Variants in CORIN observed in about 807,000 individuals in gnomAD.
The protein encoded by CORIN is atrial natriuretic peptide-converting enzyme.
Under a neutral mutation model 125.3 loss-of-function variants are expected in CORIN, and 117 were observed. That is an observed-to-expected ratio of 0.93 (90% CI 0.80 to 1.09). CORIN has a LOEUF of 1.09. CORIN is among the 50% of genes least tolerant of loss of function. The pLI is 0.00. For missense variants in CORIN, 1,253 were observed against 1,306.7 expected, an observed-to-expected ratio of 0.96 and a Z score of 0.63; for synonymous variants, 450 against 466.4, an observed-to-expected ratio of 0.96 and a Z score of 0.45.
At chr4:47,716,403 T>C (rs756105489) in intron 5 of CORIN, among the ~76,000 whole-genome samples, 4 of 152,238 alleles carry the variant, frequency 2.6e-5, no homozygotes, top group Admixed American at 1.3e-4. Context: ...GTGATAACTA[T>C]GAAAGTTTTG....
intron 19 of CORIN, among the ~76,000 whole-genome samples, chr4:47,607,590 G>GA (rs1721702655): frequency 1.4e-5 from 2 of 147,738 alleles, no homozygotes; most frequent in African/African-American, 4.8e-5. Flanking sequence ...AACAGAACAA[G>GA]AAAAAACCCA....
chr4:47,617,210 G>C (rs1169036989), intron 19 of CORIN, among the ~76,000 whole-genome samples: 3 of 152,200 alleles, frequency 2.0e-5, no homozygotes, highest in Non-Finnish European at 4.4e-5. Context: ...TATTGAAAGT[G>C]TCTGATTGTG....
intron 5 of CORIN, among the ~76,000 whole-genome samples, chr4:47,720,298 C>CAGTGCAA (rs1727287806): frequency 6.6e-6 from 1 of 152,174 alleles, no homozygotes; most frequent in Non-Finnish European, 1.5e-5. Flanking sequence ...GACTTATTTT[C>CAGTGCAA]AGTGCAAAGT....
chr4:47,673,494 G>A (rs967629745), intron 10 of CORIN, among the ~76,000 whole-genome samples: 1 of 152,026 alleles, frequency 6.6e-6, no homozygotes, highest in Non-Finnish European at 1.5e-5. Flanking sequence ...TGAAAGAAGC[G>A]AGTATAACAT....
At chr4:47,710,539 G>A (rs1726789833) in intron 5 of CORIN, among the ~76,000 whole-genome samples, 1 of 151,816 alleles carries the variant, frequency 6.6e-6, no homozygotes, top group Non-Finnish European at 1.5e-5. Context: ...CCACAGAGAC[G>A]GACTTTGGGG....
In CORIN at chr4:47,646,329, GC is replaced by G. The variant is rs373084508; in HGVS notation, c.1844-1136del. Among the ~76,000 whole-genome samples the G allele has an allele frequency of 3.3e-4, 50 of 152,202 alleles. No individual in the cohort carries two copies. The South Asian group carries it at 9.1e-3, about 28-fold the overall frequency. ...TATGCCAAACAAAACTAGTTTAAGAGCCAGGTGCAAAAGCTATTACTTTATG... is the reference window on the plus strand; with the variant it reads ...TATGCCAAACAAAACTAGTTTAAGAGCAGGTGCAAAAGCTATTACTTTATG... On this transcript the variant is annotated intron_variant, in intron 13 of 21. Coordinates refer to ENST00000273857, the MANE Select transcript of CORIN (RefSeq NM_006587.4).
intron 16 of CORIN, among the ~76,000 whole-genome samples, chr4:47,633,114 A>G (rs1481495158): frequency 3.9e-5 from 6 of 152,148 alleles, no homozygotes; most frequent in Admixed American, 2.0e-4. Context: ...GTGTTTGTCT[A>G]TCTCAGAGAT....
intron 1 of CORIN, among the ~76,000 whole-genome samples, chr4:47,821,381 TATATA>T (rs1270199466): frequency 6.6e-6 from 1 of 150,794 alleles, no homozygotes; most frequent in Non-Finnish European, 1.5e-5. Flanking sequence ...TACTTATATA[TATATA>T]ATATTAGAAT....
At chr4:47,682,462 A>AAAAAG (rs1725336183) in intron 7 of CORIN, 1 of 150,904 alleles carries the variant, frequency 6.6e-6, no homozygotes, top group Non-Finnish European at 1.5e-5. Flanking sequence ...AAAAAAAAAA[A>AAAAAG]AGAGAGAGAG....
chr4:47,644,953 A>G (rs956689012), intron 14 of CORIN, 128 bp downstream of exon 14: 1 of 554,266 alleles, frequency 1.8e-6, no homozygotes, highest in Non-Finnish European at 3.2e-6. Flanking sequence ...GTGGAGTTTG[A>G]TCAAAAGATG....
chr4:47,659,508 C>T (rs1193582174), intron 12 of CORIN, among the ~76,000 whole-genome samples: 1 of 152,142 alleles, frequency 6.6e-6, no homozygotes, highest in African/African-American at 2.4e-5. Context: ...AAGAAGCTTA[C>T]AGTCACAGTG....
At position 47,741,734 on chromosome 4, in the gene CORIN, G is replaced by T. The variant is rs536859341; in HGVS notation, c.799+2668C>A. Among the ~76,000 whole-genome samples the T allele has an allele frequency of 7.2e-5, 11 of 152,088 alleles. 1 individual carries two copies. In the South Asian group the frequency reaches 2.1e-3, roughly 29 times the overall value. On this transcript the variant is annotated intron_variant, in intron 5 of 21. Transcript: ENST00000273857. Reference sequence around the variant, plus strand: ...GTATCAATTGACAATAAAAATGAATGAAGTACTAATAATACATGCTACAGC... The same window carrying T: ...GTATCAATTGACAATAAAAATGAATTAAGTACTAATAATACATGCTACAGC...
chr4:47,785,313 C>A (rs1730737761), intron 3 of CORIN, among the ~76,000 whole-genome samples: 1 of 152,222 alleles, frequency 6.6e-6, no homozygotes, highest in Admixed American at 6.5e-5. Flanking sequence ...ACCGAGTATT[C>A]TGTATTCCGG....
intron 1 of CORIN, among the ~76,000 whole-genome samples, chr4:47,835,791 C>T (rs934931392): frequency 1.3e-5 from 2 of 152,184 alleles, no homozygotes; most frequent in Admixed American, 1.3e-4. Flanking sequence ...TATGCTGTTG[C>T]TATTGTGATT....
Position 47,632,757 on chromosome 4 carries a change from A to ATAGATAGATAGATAGATAGAT in CORIN, c.2199-6237_2199-6236insATCTATCTATCTATCTATCTA, listed in dbSNP as rs1553905923. ...TAGATAGATAGATAGATAGATAGAT[A>ATAGATAGATAGATAGATAGAT]GATAGATAGAGATAGATAGTTAGAT... On this transcript the variant is annotated intron_variant, in intron 16 of 21. Transcript: ENST00000273857. Among the ~76,000 whole-genome samples, 3 of 136,816 alleles carry ATAGATAGATAGATAGATAGAT rather than the reference A, an allele frequency of 2.2e-5. 1 individual carries two copies. In the East Asian group the frequency reaches 6.0e-4, roughly 27 times the overall value. The allele number at this position is 136,816 out of a possible 152,430, so 89.8% of individuals were successfully genotyped here.
intron 6 of CORIN, among the ~76,000 whole-genome samples, chr4:47,684,789 C>A (rs186419661): frequency 2.2e-4 from 34 of 151,688 alleles, no homozygotes; most frequent in African/African-American, 7.5e-4. Context: ...AATAATCAGA[C>A]GAAAAAGAAT....
Position 47,664,902 on chromosome 4 carries a change from T to C in CORIN, c.1589+130A>G, listed in dbSNP as rs146666272. On this transcript the variant is annotated intron_variant, in intron 11 of 21. Coordinates refer to ENST00000273857, the MANE Select transcript of CORIN (RefSeq NM_006587.4). ...AACTTCTACTTCTTTGTCTCACTTG[T>C]TAAATATAAAGTATTTGATAAATGC... 6.1e-4 allele frequency: 347 copies of C among 568,978 alleles called. 2 individuals carry two copies. Among genetic ancestry groups the C allele is most frequent in the African/African-American group, 5.4e-3 (286 of 53,028 alleles). The allele number at this position is 568,978 out of a possible 1,614,324, so 35.2% of individuals were successfully genotyped here.
At position 47,726,490 on chromosome 4, in the gene CORIN, A is replaced by T. The variant is rs74676426; in HGVS notation, c.799+17912T>A. Among the ~76,000 whole-genome samples the T allele has an allele frequency of 1.0e-2, 1,518 of 152,202 alleles. 9 individuals are homozygous for T. Among genetic ancestry groups the T allele is most frequent in the South Asian group, 0.033 (158 of 4,822 alleles). On this transcript the variant is annotated intron_variant, in intron 5 of 21. Coordinates refer to ENST00000273857, the MANE Select transcript of CORIN (RefSeq NM_006587.4). ...TGATTCCATGTGTGACATTCTAGAA[A>T]AGCCAAACCAGAGATGTGGAGAACA...
chr4:47,836,483 CAG>C (rs1412255087), intron 1 of CORIN, among the ~76,000 whole-genome samples: 1 of 152,152 alleles, frequency 6.6e-6, no homozygotes, highest in South Asian at 2.1e-4. Flanking sequence ...CGTTCCTTTG[CAG>C]AGTTTCGCTT....
Sources: allele counts gnomAD v4.1 joint callset (sites outside exome capture counted in the v4.1 genomes callset), GRCh38; gene constraint gnomAD v4.1.1; transcripts MANE v1.5; gene names NCBI Gene and HGNC (gene_info 2026-07-23, HGNC 2026-07-21).